Variants in WDPCP observed in about 807,000 individuals in gnomAD.
WDPCP encodes WD repeat-containing and planar cell polarity effector protein fritz homolog.
WDPCP carries 71 observed loss-of-function variants against 93.1 expected under a neutral mutation model. The observed-to-expected ratio is 0.76, with a 90% CI of 0.63 to 0.93. WDPCP has a LOEUF of 0.93. Among genes scored for constraint, WDPCP ranks in the 40% least tolerant of loss-of-function variants. The pLI, the probability that WDPCP is intolerant of heterozygous loss-of-function variation, is 0.00. For missense variants in WDPCP, 844 were observed against 887.4 expected (o/e 0.95, Z 0.62); for synonymous variants, 315 against 315.0 (o/e 1.00, Z 0.00).
chr2:63,340,237 G>A (rs1056184216), intron 12 of WDPCP, among the ~76,000 whole-genome samples: 15 of 152,142 alleles, frequency 9.9e-5, no homozygotes, highest in Non-Finnish European at 2.2e-4. Flanking sequence ...CTCAGCTATA[G>A]TAAATGATCA....
chr2:63,573,762 T>G (rs780424281), intron 1 of WDPCP, among the ~76,000 whole-genome samples: 2 of 152,188 alleles, frequency 1.3e-5, no homozygotes, highest in Non-Finnish European at 2.9e-5. Context: ...AGAGCCATAT[T>G]CCTCTTCTTT....
chr2:63,513,417 T>C (rs577720371), intron 1 of WDPCP, among the ~76,000 whole-genome samples: 1 of 152,190 alleles, frequency 6.6e-6, no homozygotes, highest in South Asian at 2.1e-4. Flanking sequence ...CTCAGACCAC[T>C]AGACCCCAGA....
chr2:63,601,769 C>G (rs1274765952), intron 3 of WDPCP, among the ~76,000 whole-genome samples: 1 of 152,174 alleles, frequency 6.6e-6, no homozygotes, highest in African/African-American at 2.4e-5. Flanking sequence ...TTTGTCTTCA[C>G]TGTACTTGGG....
intron 13 of WDPCP, among the ~76,000 whole-genome samples, chr2:63,297,340 C>T (rs1684948448): frequency 6.6e-6 from 1 of 152,194 alleles, no homozygotes; most frequent in East Asian, 1.9e-4. Context: ...AGGTTCGTCA[C>T]TCTTGGATTC....
At chr2:63,783,553 A>G (rs1670426385) in intron 2 of WDPCP, among the ~76,000 whole-genome samples, 1 of 152,244 alleles carries the variant, frequency 6.6e-6, no homozygotes. Flanking sequence ...GGATAAAAAA[A>G]GTATAAGTAT....
chr2:63,439,487 A>G (rs1697355437), intron 7 of WDPCP, among the ~76,000 whole-genome samples: 1 of 152,132 alleles, frequency 6.6e-6, no homozygotes, highest in Admixed American at 6.6e-5. Context: ...ATGAAAACAA[A>G]ACCCTATTTT....
rs560334198 is a variant in WDPCP, at chr2:63,425,228, C to G, written c.825+8517G>C. Among the ~76,000 whole-genome samples the G allele has an allele frequency of 5.3e-5, 8 of 152,244 alleles. No individual in the cohort carries two copies. The South Asian group carries it at 1.7e-3, about 32-fold the overall frequency. On this transcript the variant is annotated intron_variant, in intron 9 of 17. Transcript: ENST00000272321. ...AAATAAATTATATAAAAACAAAAAG[C>G]CCCATTCAACGACAGCAAATCCAAA...
chr2:63,416,491 C>T (rs1292491915), intron 9 of WDPCP, among the ~76,000 whole-genome samples: 1 of 56,474 alleles, frequency 1.8e-5, no homozygotes, highest in Non-Finnish European at 4.4e-5. Flanking sequence ...CGAGCCACCA[C>T]ACTTGGATAT....
intron 2 of WDPCP, among the ~76,000 whole-genome samples, chr2:63,720,415 T>TCAAAAA (rs1167952657): frequency 1.0e-4 from 15 of 145,286 alleles, no homozygotes; most frequent in Admixed American, 1.4e-4. Flanking sequence ...AGACTCTACC[T>TCAAAAA]TAAAAAAAAA....
At chr2:63,430,279 C>T (rs1053329740) in intron 9 of WDPCP, among the ~76,000 whole-genome samples, 6 of 152,102 alleles carry the variant, frequency 3.9e-5, no homozygotes, top group Non-Finnish European at 7.4e-5. Context: ...GTACTATGCT[C>T]ACTACCTGGG....
At chr2:63,697,261 A>G (rs943860442) in intron 2 of WDPCP, among the ~76,000 whole-genome samples, 3 of 152,194 alleles carry the variant, frequency 2.0e-5, no homozygotes, top group Non-Finnish European at 2.9e-5. Flanking sequence ...TTTGTGAAGT[A>G]GGAGCCATTA....
intron 6 of WDPCP, among the ~76,000 whole-genome samples, chr2:63,471,254 A>G (rs1699672439): frequency 6.6e-6 from 1 of 152,230 alleles, no homozygotes; most frequent in Admixed American, 6.5e-5. Context: ...ATAAATATGC[A>G]TTGAGTGAAT....
At chr2:63,804,288 T>G (rs1670733285) in intron 2 of WDPCP, among the ~76,000 whole-genome samples, 1 of 151,210 alleles carries the variant, frequency 6.6e-6, no homozygotes, top group South Asian at 2.1e-4. Context: ...TCTCGCTCTG[T>G]CGCCCAGGCT....
In WDPCP at chr2:63,437,524, G is replaced by A; in HGVS notation, c.530C>T (p.Ser177Leu). The change falls in exon 8 of 18, where the codon TCA becomes TTA. Residue 177 changes from serine (S) to leucine (L), a missense_variant. Coordinates refer to ENST00000272321, the MANE Select transcript of WDPCP (RefSeq NM_015910.7). ...ACATAGTTTGTTTTGTGCCAAAAAT[G>A]ATAAGATGATAAAACTGTCTGTGAG... ...ALLTDSFIIL[S>L]FLAQNKLCFI... 4 of 1,594,382 alleles carry A rather than the reference G, an allele frequency of 2.5e-6. No individual in the cohort carries two copies. The highest frequency in any genetic ancestry group is 3.4e-6 in the Non-Finnish European group (4 of 1,170,182).
chr2:63,210,254 C>T (rs1368071816), intron 14 of WDPCP, among the ~76,000 whole-genome samples: 1 of 152,024 alleles, frequency 6.6e-6, no homozygotes, highest in East Asian at 1.9e-4. Context: ...GACTACAGAA[C>T]AAGTTTGGCA....
At chr2:63,736,147 G>A (rs993075875) in intron 2 of WDPCP, among the ~76,000 whole-genome samples, 2 of 152,178 alleles carry the variant, frequency 1.3e-5, no homozygotes, top group Non-Finnish European at 2.9e-5. Context: ...TGGTTAGAAT[G>A]CAAATCTCCT....
chr2:63,342,607 A>G (rs1031357605), intron 12 of WDPCP, among the ~76,000 whole-genome samples: 6 of 152,110 alleles, frequency 3.9e-5, no homozygotes, highest in African/African-American at 9.7e-5. Flanking sequence ...ATTCACACCA[A>G]CGTAGCTTCA....
chr2:63,523,801 C>T (rs1703119856), intron 1 of WDPCP, among the ~76,000 whole-genome samples: 2 of 152,178 alleles, frequency 1.3e-5, no homozygotes, highest in Non-Finnish European at 2.9e-5. Flanking sequence ...ATCCCAGCTA[C>T]TCGGGAGGCT....
intron 1 of WDPCP, among the ~76,000 whole-genome samples, chr2:63,572,772 C>A (rs1320078978): frequency 7.2e-6 from 1 of 139,628 alleles, no homozygotes; most frequent in Non-Finnish European, 1.5e-5. Flanking sequence ...AGGGCAAAAT[C>A]ATGCAATATG....
Sources: allele counts gnomAD v4.1 joint callset (sites outside exome capture counted in the v4.1 genomes callset), GRCh38; gene constraint gnomAD v4.1.1; transcripts MANE v1.5; gene names NCBI Gene and HGNC (gene_info 2026-07-23, HGNC 2026-07-21).